LRRC4C: variants seen among roughly 807,000 people sequenced by gnomAD.
LRRC4C encodes the protein leucine-rich repeat-containing protein 4C.
A neutral mutation model predicts 33.6 loss-of-function variants in LRRC4C; 5 were observed. The observed-to-expected ratio is 0.15, with a 90% CI of 0.08 to 0.31. The LOEUF is 0.31. LRRC4C is among the 10% of genes least tolerant of loss of function. The probability of loss-of-function intolerance (pLI) is 1.00; values close to 1 mark genes in which losing one functional copy is unlikely to be tolerated. For missense variants in LRRC4C, 560 were observed against 796.7 expected (o/e 0.70, Z 3.58); for synonymous variants, 329 against 302.0 (o/e 1.09, Z -0.93).
At position 41,100,949 on chromosome 11, in the gene LRRC4C, C is replaced by A. The variant is rs537689577; in HGVS notation, c.-495-167226G>T. ...AGAAACAAGCAATGGAAAAAGGACTCCTTATTAAATAAATTGTGCTGAGAT... is the reference window on the plus strand; with the variant it reads ...AGAAACAAGCAATGGAAAAAGGACTACTTATTAAATAAATTGTGCTGAGAT... On this transcript the variant is annotated intron_variant, in intron 1 of 6. Coordinates refer to ENST00000528697, the MANE Select transcript of LRRC4C (RefSeq NM_001258419.2). 1.4e-3 allele frequency among the ~76,000 whole-genome samples: 212 copies of A among 152,206 alleles called. 1 individual carries two copies. The highest frequency in any genetic ancestry group is 5.0e-3 in the African/African-American group (207 of 41,528).
intron 3 of LRRC4C, among the ~76,000 whole-genome samples, chr11:40,433,987 G>A (rs1220327240): frequency 1.3e-5 from 2 of 152,108 alleles, no homozygotes; most frequent in Non-Finnish European, 2.9e-5. Context: ...ACCCTAATGG[G>A]AAGACTGTGT....
At chr11:40,453,829 A>G (rs1952010847) in intron 3 of LRRC4C, among the ~76,000 whole-genome samples, 1 of 152,298 alleles carries the variant, frequency 6.6e-6, no homozygotes, top group East Asian at 1.9e-4. Flanking sequence ...GTACATTGGT[A>G]CCACAATTCT....
At chr11:40,488,600 T>C (rs1160749103) in intron 3 of LRRC4C, among the ~76,000 whole-genome samples, 1 of 152,146 alleles carries the variant, frequency 6.6e-6, no homozygotes, top group Non-Finnish European at 1.5e-5. Flanking sequence ...TGTGGCCTTG[T>C]GGCTTTCTGC....
chr11:40,894,968 A>G (rs1955873568), intron 2 of LRRC4C, among the ~76,000 whole-genome samples: 1 of 152,076 alleles, frequency 6.6e-6, no homozygotes, highest in Admixed American at 6.6e-5. Flanking sequence ...TAGCCCCTCT[A>G]ACTCATATCT....
intron 3 of LRRC4C, among the ~76,000 whole-genome samples, chr11:40,586,838 CT>C (rs1958776200): frequency 6.6e-6 from 1 of 152,130 alleles, no homozygotes; most frequent in Admixed American, 6.5e-5. Flanking sequence ...ATCTATATCT[CT>C]GTTGTGGTAC....
intron 2 of LRRC4C, among the ~76,000 whole-genome samples, chr11:40,916,699 AAAAT>A (rs1205579314): frequency 6.6e-6 from 1 of 151,648 alleles, no homozygotes; most frequent in South Asian, 2.1e-4. Flanking sequence ...AAGTATAATA[AAAAT>A]AAATAAATAA....
intron 1 of LRRC4C, among the ~76,000 whole-genome samples, chr11:40,978,886 C>T (rs1852295281): frequency 6.6e-6 from 1 of 152,112 alleles, no homozygotes; most frequent in African/African-American, 2.4e-5. Context: ...CCCACCTCGG[C>T]CTCCCAAAAT....
chr11:40,474,412 A>G (rs932047896), intron 3 of LRRC4C, among the ~76,000 whole-genome samples: 2 of 152,170 alleles, frequency 1.3e-5, no homozygotes, highest in Non-Finnish European at 2.9e-5. Flanking sequence ...CCTTCCCCAC[A>G]TCTTATAAAA....
chr11:40,380,359 C>A (rs917742805), intron 3 of LRRC4C, among the ~76,000 whole-genome samples: 1 of 152,140 alleles, frequency 6.6e-6, no homozygotes. Flanking sequence ...ATGGTTAGGT[C>A]ATTTCCCTGT....
Position 40,115,258 on chromosome 11 carries a change from G to T in LRRC4C, c.1035C>A (p.Asp345Glu), listed in dbSNP as rs757451886. ...NLKGRYIGEL[D>E]QNYFTCYAPV... ...GAGCATAGCATGTGAAGTAATTCTG[G>T]TCGAGCTCTCCAATGTACCTCCCCT... The change falls in exon 7 of 7, where the codon GAC (aspartate) becomes GAA (glutamate). Residue 345 changes from aspartate (D) to glutamate (E), a missense_variant. By Grantham distance (45) the Asp-to-Glu change is conservative (BLOSUM62 2). This residue lies in a region of LRRC4C where 455 missense variants were observed against 643.8 expected (regional missense o/e 0.71). Transcript: ENST00000528697. The surrounding 1 kb of genome is among the most constrained non-coding windows in gnomAD (Gnocchi z 6.7). The T allele has an allele frequency of 8.1e-6, 13 of 1,614,106 alleles. No homozygotes were observed. The highest frequency in any genetic ancestry group is 1.1e-5 in the Non-Finnish European group (13 of 1,180,036).
intron 5 of LRRC4C, among the ~76,000 whole-genome samples, chr11:40,237,038 G>A: frequency 6.6e-6 from 1 of 152,162 alleles, no homozygotes; most frequent in African/African-American, 2.4e-5. Flanking sequence ...ATATTAAAAA[G>A]CAATTTCTGC....
intron 2 of LRRC4C, among the ~76,000 whole-genome samples, chr11:40,895,725 C>CTACA (rs2136144301): frequency 6.6e-6 from 1 of 152,262 alleles, no homozygotes; most frequent in East Asian, 1.9e-4. Flanking sequence ...TGGATACTTT[C>CTACA]TACAGCCTAC....
chr11:40,453,465 T>C (rs2138105066), intron 3 of LRRC4C, among the ~76,000 whole-genome samples: 1 of 152,206 alleles, frequency 6.6e-6, no homozygotes, highest in East Asian at 1.9e-4. Context: ...TATCAGATAT[T>C]GAAAGAAATA....
At chr11:40,360,404 C>CGT (rs1565312135) in intron 3 of LRRC4C, among the ~76,000 whole-genome samples, 1 of 152,128 alleles carries the variant, frequency 6.6e-6, no homozygotes. Context: ...CGGGAAACTA[C>CGT]CAAGTCTGGA....
intron 3 of LRRC4C, among the ~76,000 whole-genome samples, chr11:40,391,106 T>A (rs926907731): frequency 2.0e-5 from 3 of 152,122 alleles, no homozygotes; most frequent in African/African-American, 7.2e-5. Context: ...GGTCTTGAAC[T>A]CCTGACCTCG....
intron 1 of LRRC4C, among the ~76,000 whole-genome samples, chr11:41,226,514 T>C (rs532293256): frequency 6.6e-6 from 1 of 152,250 alleles, no homozygotes; most frequent in South Asian, 2.1e-4. Flanking sequence ...TCTTCACACA[T>C]AGACACTTAT....
In LRRC4C at chr11:40,920,863, T is replaced by G. The variant is rs181990729; in HGVS notation, c.-407+12772A>C. Reference sequence around the variant, plus strand: ...TGGCATTTTGCAGATTTGATTAAAGTTAAGCATCTTAAAATGGGAAGATTA... The same window carrying G: ...TGGCATTTTGCAGATTTGATTAAAGGTAAGCATCTTAAAATGGGAAGATTA... On this transcript the variant is annotated intron_variant, in intron 2 of 6. Coordinates refer to ENST00000528697, the MANE Select transcript of LRRC4C (RefSeq NM_001258419.2). 4.6e-5 allele frequency among the ~76,000 whole-genome samples: 7 copies of G among 152,170 alleles called. No individual in the cohort carries two copies. In the East Asian group the frequency reaches 1.4e-3, roughly 29 times the overall value.
intron 5 of LRRC4C, among the ~76,000 whole-genome samples, chr11:40,206,777 T>G (rs1238031087): frequency 6.7e-6 from 1 of 148,258 alleles, no homozygotes; most frequent in Non-Finnish European, 1.5e-5. Context: ...TGTACATGTA[T>G]GTGGAAGTGT....
intron 1 of LRRC4C, among the ~76,000 whole-genome samples, chr11:41,449,328 C>G (rs1182995685): frequency 6.6e-6 from 1 of 152,080 alleles, no homozygotes; most frequent in African/African-American, 2.4e-5. Context: ...AAGCAAGAAA[C>G]CAAGAAACTC....
Sources: gnomAD v4.1 joint callset for allele counts (sites outside exome capture counted in the v4.1 genomes callset) on GRCh38, gnomAD v4.1.1 for gene constraint, gnomAD v4.1.1 regional missense constraint, Gnocchi (gnomAD v3.1) non-coding constraint, MANE v1.5 for transcripts, NCBI Gene and HGNC (gene_info 2026-07-23, HGNC 2026-07-21) for gene names.